Variants in SOX6 observed in about 807,000 individuals in gnomAD.
SOX6 encodes the protein SRY-box transcription factor 6.
A neutral mutation model predicts 97.8 loss-of-function variants in SOX6; 11 were observed. The ratio of observed to expected loss-of-function variants is 0.11; its 90% CI spans 0.07 to 0.19. The LOEUF is 0.19. Among genes scored for constraint, SOX6 ranks in the 10% least tolerant of loss-of-function variants. The pLI is 1.00. For missense variants in SOX6, 810 were observed against 1,039.5 expected, an observed-to-expected ratio of 0.78 and a Z score of 3.04; for synonymous variants, 360 against 371.4, an observed-to-expected ratio of 0.97 and a Z score of 0.35.
intron 9 of SOX6, among the ~76,000 whole-genome samples, chr11:16,074,993 C>T (rs1236507654): frequency 1.3e-5 from 2 of 152,128 alleles, no homozygotes; most frequent in African/African-American, 4.8e-5. Context: ...GTAACCAAAA[C>T]AGCATGGTGC....
At chr11:16,257,362 A>AG (rs1296466332) in intron 3 of SOX6, among the ~76,000 whole-genome samples, 2 of 151,930 alleles carry the variant, frequency 1.3e-5, no homozygotes, top group Non-Finnish European at 2.9e-5. Flanking sequence ...AAGAAAAAAA[A>AG]TCGTTGAATG....
rs79258320 is a variant in SOX6 at position 16,158,327 on chromosome 11, T to C, written c.777+25559A>G. ...ACTCCTTGGTGTATATATTATGTTC[T>C]TGTGGCTTTCGTAGGGTATGACTCC... On this transcript the variant is annotated intron_variant, in intron 6 of 15. Transcript: ENST00000683767. Among the ~76,000 whole-genome samples the C allele has an allele frequency of 7.6e-3, 1,156 of 152,102 alleles. 21 individuals carry two copies. The highest frequency in any genetic ancestry group is 0.026 in the African/African-American group (1,075 of 41,534).
intron 3 of SOX6, among the ~76,000 whole-genome samples, chr11:16,641,335 G>C (rs1848910297): frequency 6.6e-6 from 1 of 152,072 alleles, no homozygotes. Context: ...CCAACTATGT[G>C]GTCAGTTTTG....
intron 6 of SOX6, among the ~76,000 whole-genome samples, chr11:16,138,041 A>G (rs1850020987): frequency 6.6e-6 from 1 of 152,238 alleles, no homozygotes; most frequent in African/African-American, 2.4e-5. Flanking sequence ...GAAGAGACTA[A>G]TACAATTACA....
chr11:16,255,239 G>GCAACACCAT (rs1206672918), intron 3 of SOX6, among the ~76,000 whole-genome samples: 1 of 151,952 alleles, frequency 6.6e-6, no homozygotes, highest in Non-Finnish European at 1.5e-5. Flanking sequence ...ATTGAACTCA[G>GCAACACCAT]CAACACCATC....
intron 10 of SOX6, among the ~76,000 whole-genome samples, chr11:16,054,996 C>T (rs1847778090): frequency 6.6e-6 from 1 of 152,050 alleles, no homozygotes; most frequent in Non-Finnish European, 1.5e-5. Flanking sequence ...TATTAATGTC[C>T]CAGACATAAC....
intron 4 of SOX6, among the ~76,000 whole-genome samples, chr11:16,190,438 CAAAT>C (rs1851598833): frequency 6.6e-6 from 1 of 152,076 alleles, no homozygotes; most frequent in Non-Finnish European, 1.5e-5. Flanking sequence ...AAAAATAACA[CAAAT>C]AAAACAACAC....
At chr11:16,188,927 G>C (rs1318854116) in intron 4 of SOX6, among the ~76,000 whole-genome samples, 1 of 152,090 alleles carries the variant, frequency 6.6e-6, no homozygotes, top group Non-Finnish European at 1.5e-5. Context: ...GCTGGGCATA[G>C]GGGTGGGTAC....
intron 13 of SOX6, among the ~76,000 whole-genome samples, chr11:15,995,526 A>G (rs1854197742): frequency 6.6e-6 from 1 of 152,198 alleles, no homozygotes; most frequent in Admixed American, 6.5e-5. Flanking sequence ...TATGAGTTGT[A>G]CAAACAACCA....
At chr11:16,571,715 G>A (rs1847941026) in intron 4 of SOX6, among the ~76,000 whole-genome samples, 3 of 152,266 alleles carry the variant, frequency 2.0e-5, no homozygotes. Flanking sequence ...GCAGTAGTGC[G>A]ATCTCGCCTC....
chr11:16,729,960 A>G (rs1374828248), intron 2 of SOX6, among the ~76,000 whole-genome samples: 1 of 151,710 alleles, frequency 6.6e-6, no homozygotes, highest in Non-Finnish European at 1.5e-5. Context: ...AACAAAGATC[A>G]AAAAAGACAA....
intron 4 of SOX6, among the ~76,000 whole-genome samples, chr11:16,199,686 T>C (rs1228735983): frequency 6.6e-6 from 1 of 152,188 alleles, no homozygotes; most frequent in Non-Finnish European, 1.5e-5. Context: ...TTAGGATAAT[T>C]ACAATTTAAT....
At chr11:16,596,673 CACTAGT>C (rs980376143) in intron 4 of SOX6, among the ~76,000 whole-genome samples, 2 of 152,216 alleles carry the variant, frequency 1.3e-5, no homozygotes, top group Non-Finnish European at 2.9e-5. Flanking sequence ...CATACCTCTT[CACTAGT>C]ACAATGCATT....
chr11:16,289,462 G>A (rs888411504), intron 3 of SOX6, among the ~76,000 whole-genome samples: 3 of 151,968 alleles, frequency 2.0e-5, no homozygotes, highest in Non-Finnish European at 2.9e-5. Context: ...AAAAACAACT[G>A]AGGTATCTCA....
At position 16,049,935 on chromosome 11, in the gene SOX6, C is replaced by T. The variant is rs762829992; in HGVS notation, c.1255G>A (p.Glu419Lys). The T allele has an allele frequency of 6.2e-7, 1 of 1,613,672 alleles. No homozygotes were observed. The highest frequency in any genetic ancestry group is 8.5e-7 in the Non-Finnish European group (1 of 1,179,730). Residue 419 changes from glutamate (E) to lysine (K), a missense_variant, in exon 11 of 16, where the codon GAA becomes AAA. Physicochemically the swap from Glu to Lys is moderately conservative, Grantham distance 56. Around this residue, in one of 9 missense-constraint regions of SOX6, gnomAD observed 244 missense variants for 261.0 expected, o/e 0.93. Transcript: ENST00000683767. ...GTSPVTQVKD[E>K]AAAQPLNLSS... The stretch of plus-strand genomic sequence containing the variant: ...AGATTCAGAGGCTGTGCTGCTGCTT[C>T]ATCCTACAAGAGTTTAACGTAAATA...
chr11:16,043,412 T>G (rs1349843580), intron 12 of SOX6, among the ~76,000 whole-genome samples: 1 of 152,114 alleles, frequency 6.6e-6, no homozygotes, highest in Middle Eastern at 3.2e-3. Context: ...ATGTATATAT[T>G]TAACAGATCC....
chr11:16,259,300 G>A (rs1295215877), intron 3 of SOX6, among the ~76,000 whole-genome samples: 1 of 151,850 alleles, frequency 6.6e-6, no homozygotes, highest in African/African-American at 2.4e-5. Context: ...TAAATAAATA[G>A]ATGGACATAT....
chr11:16,125,222 C>T (rs970447416), intron 6 of SOX6, among the ~76,000 whole-genome samples: 7 of 151,924 alleles, frequency 4.6e-5, no homozygotes, highest in Non-Finnish European at 1.0e-4. Flanking sequence ...TGATACATTA[C>T]TGTGATTCTT....
intron 1 of SOX6, among the ~76,000 whole-genome samples, chr11:16,379,565 G>C (rs145027331): frequency 6.6e-6 from 1 of 152,232 alleles, no homozygotes; most frequent in East Asian, 1.9e-4. Flanking sequence ...CCATTTTCTA[G>C]TTGTCATATT....
Sources: allele counts gnomAD v4.1 joint callset (sites outside exome capture counted in the v4.1 genomes callset), GRCh38; gene constraint gnomAD v4.1.1; regional missense constraint gnomAD v4.1.1; transcripts MANE v1.5; gene names NCBI Gene and HGNC (gene_info 2026-07-23, HGNC 2026-07-21).